NDUFA10: variants seen among roughly 807,000 people sequenced by gnomAD.
NDUFA10 encodes NADH:ubiquinone oxidoreductase subunit A10.
In NDUFA10, 40 loss-of-function variants were observed where a neutral mutation model predicts 47.8. The ratio of observed to expected loss-of-function variants is 0.84; its 90% CI spans 0.65 to 1.09. The LOEUF (loss-of-function observed/expected upper bound fraction) is 1.09, where lower values mean the gene tolerates loss of function less well. Ranked by LOEUF, NDUFA10 falls within the 50% of genes least tolerant of loss-of-function variation. NDUFA10 has a pLI of 0.00. For missense variants in NDUFA10, 413 were observed against 451.1 expected (o/e 0.92, Z 0.76); for synonymous variants, 183 against 172.2 (o/e 1.06, Z -0.49).
At chr2:239,986,287 G>A (rs1695999784) in intron 9 of NDUFA10, among the ~76,000 whole-genome samples, 1 of 152,208 alleles carries the variant, frequency 6.6e-6, no homozygotes, top group Non-Finnish European at 1.5e-5. Flanking sequence ...CAAATGGAAA[G>A]CTGTTCTGCG....
intron 9 of NDUFA10, among the ~76,000 whole-genome samples, chr2:239,976,876 G>A (rs73007454): frequency 0.011 from 1,641 of 152,256 alleles, 6 homozygotes; most frequent in Middle Eastern, 0.027. Flanking sequence ...GCAGCTCCCA[G>A]AACACTGGCA....
chr2:240,018,810 A>T (rs1574897670), intron 3 of NDUFA10, among the ~76,000 whole-genome samples, 171 bp from the exon 4 acceptor site: 1 of 152,248 alleles, frequency 6.6e-6, no homozygotes, highest in Non-Finnish European at 1.5e-5. Flanking sequence ...CATTTTCAAA[A>T]ACTGAAGTAT....
Position 239,959,930 on chromosome 2 carries a change from T to TA in NDUFA10, c.*1187dup. On this transcript the variant is annotated 3_prime_UTR_variant, in exon 10 of 10. Coordinates refer to ENST00000252711, the MANE Select transcript of NDUFA10 (RefSeq NM_004544.4). ...CATGCTCCGCAGCAGCGAGGCCTGG[T>TA]AGAGCTTCCGCGGGGAGCAGAGCAT... 1.0e-6 allele frequency: 1 copy of TA among 985,424 alleles called. No individual in the cohort carries two copies. The highest frequency in any genetic ancestry group is 1.7e-5 in the African/African-American group (1 of 57,352). The allele number at this position is 985,424 out of a possible 1,614,324, so 61.0% of individuals were successfully genotyped here.
intron 9 of NDUFA10, among the ~76,000 whole-genome samples, chr2:239,977,326 G>A (rs375830464): frequency 3.3e-5 from 5 of 152,166 alleles, no homozygotes; most frequent in African/African-American, 9.7e-5. Flanking sequence ...TCCTGCCAGC[G>A]TCCCGCCACT....
chr2:239,993,719 G>A (rs1696349159), intron 8 of NDUFA10, among the ~76,000 whole-genome samples: 1 of 152,184 alleles, frequency 6.6e-6, no homozygotes, highest in Admixed American at 6.5e-5. Context: ...ACACACCAAG[G>A]GGAGCAGCAG....
At chr2:239,982,083 C>A in intron 9 of NDUFA10, 1 of 1,611,614 alleles carries the variant, frequency 6.2e-7, no homozygotes. Context: ...TGTTTGCTCC[C>A]CTGCAGCAAA....
In NDUFA10 at chr2:239,916,050, A is replaced by G. The variant is rs575951017; in HGVS notation, c.295-20736T>C. ...GACACACAGAGATACTCACACAAAC[A>G]TACACACACACATACATACTCAGAC... On this transcript the variant is annotated intron_variant, in intron 4 of 5. Transcript: ENST00000419408. Among the ~76,000 whole-genome samples, 3 of 109,970 alleles carry G rather than the reference A, an allele frequency of 2.7e-5. No homozygotes were observed. The East Asian group carries it at 6.6e-4, about 24-fold the overall frequency. 72.1% of individuals were successfully genotyped at this position (109,970 alleles called of 152,430 possible).
In NDUFA10 at chr2:240,021,345, G is replaced by A. The variant is rs145407882; in HGVS notation, c.312C>T (p.Leu104=). ...TACAGTTGCCATTATAGTCGGTGGC[G>A]AGGGGCTTCCCATCTCCTGTGGTAC... ...PDSTTGDGKP[L]ATDYNGNCSL... The change falls in exon 3 of 10, where the codon CTC becomes CTT. Residue 104 remains leucine, a synonymous_variant. Coordinates refer to ENST00000252711, the MANE Select transcript of NDUFA10 (RefSeq NM_004544.4). 179 of 1,614,148 alleles carry A rather than the reference G, an allele frequency of 1.1e-4. No individual in the cohort carries two copies. Among genetic ancestry groups the A allele is most frequent in the African/African-American group, 3.3e-4 (25 of 75,034 alleles).
At chr2:239,996,101 TAA>T (rs1696465050) in intron 8 of NDUFA10, among the ~76,000 whole-genome samples, 1 of 152,108 alleles carries the variant, frequency 6.6e-6, no homozygotes, top group Non-Finnish European at 1.5e-5. Context: ...GGAAAATCAG[TAA>T]AGATACCGAT....
intron 4 of NDUFA10, among the ~76,000 whole-genome samples, chr2:239,902,249 T>C (rs1314556379): frequency 2.0e-5 from 3 of 152,072 alleles, no homozygotes; most frequent in Non-Finnish European, 2.9e-5. Context: ...GCAAACTTCA[T>C]TGTTGTCTTA....
chr2:240,012,998 A>T (rs1697199003), intron 5 of NDUFA10: 1 of 152,270 alleles, frequency 6.6e-6, no homozygotes, highest in African/African-American at 2.4e-5. Flanking sequence ...ATCATTAGCT[A>T]TGTGCCAAGT....
At chr2:239,920,904 CCT>C (rs1348131340) in intron 4 of NDUFA10, among the ~76,000 whole-genome samples, 1 of 152,088 alleles carries the variant, frequency 6.6e-6, no homozygotes, top group African/African-American at 2.4e-5. Context: ...TTGGGCAACC[CCT>C]CTGAGTCTCC....
chr2:239,893,499 G>A (rs1693334079), intron 5 of NDUFA10, among the ~76,000 whole-genome samples: 1 of 152,226 alleles, frequency 6.6e-6, no homozygotes, highest in African/African-American at 2.4e-5. Context: ...CTGGAGGTAG[G>A]AAGTCCAAGA....
Position 239,928,791 on chromosome 2 carries a change from C to T in NDUFA10, c.295-33477G>A, listed in dbSNP as rs1694108025. 6.6e-6 allele frequency among the ~76,000 whole-genome samples: 1 copy of T among 152,208 alleles called. No individual in the cohort carries two copies. Among genetic ancestry groups the T allele is most frequent in the Non-Finnish European group, 1.5e-5 (1 of 68,042 alleles). ...GCGTCCCTTCCAAACAGGTGGTATC[C>T]GTGTTCCAAGCAGCCCAGGCCCAAC... On this transcript the variant is annotated intron_variant, in intron 4 of 5. Coordinates refer to the NDUFA10 transcript ENST00000419408. The surrounding 1 kb of genome is among the most constrained non-coding windows in gnomAD (Gnocchi z 4.3).
At chr2:239,935,093 A>G (rs149014146) in intron 4 of NDUFA10, among the ~76,000 whole-genome samples, 1 of 152,244 alleles carries the variant, frequency 6.6e-6, no homozygotes, top group Non-Finnish European at 1.5e-5. Context: ...GGTCCGAAAT[A>G]GCACCTGCCA....
At chr2:239,948,256 C>T (rs1396544874) in intron 4 of NDUFA10, among the ~76,000 whole-genome samples, 1 of 152,240 alleles carries the variant, frequency 6.6e-6, no homozygotes, top group Non-Finnish European at 1.5e-5. Flanking sequence ...AGAGACGAAG[C>T]CAGGCTGTGC....
At chr2:239,998,476 GAGC>G (rs777347629) in intron 8 of NDUFA10, among the ~76,000 whole-genome samples, 1 of 152,226 alleles carries the variant, frequency 6.6e-6, no homozygotes, top group Non-Finnish European at 1.5e-5. Context: ...GCCACACACA[GAGC>G]AGGCCTATGC....
At chr2:239,918,747 T>C (rs767232992) in intron 4 of NDUFA10, among the ~76,000 whole-genome samples, 4 of 152,162 alleles carry the variant, frequency 2.6e-5, no homozygotes, top group Non-Finnish European at 4.4e-5. Context: ...AAATCCAGCA[T>C]TGGGACCACG....
rs551916867 is a variant in NDUFA10 at position 240,016,356 on chromosome 2, C to T, written c.548-1496G>A. 1.1e-3 allele frequency among the ~76,000 whole-genome samples: 171 copies of T among 152,316 alleles called. 1 individual carries two copies. Among genetic ancestry groups the T allele is most frequent in the Non-Finnish European group, 2.0e-3 (139 of 68,030 alleles). ...GCTGCTGAGGTGAAACCTCCCTTCACCGAGTCTGCTCTCACCCTGCTTCCC... is the reference window on the plus strand; with the variant it reads ...GCTGCTGAGGTGAAACCTCCCTTCATCGAGTCTGCTCTCACCCTGCTTCCC... On this transcript the variant is annotated intron_variant, in intron 4 of 9. Coordinates refer to ENST00000252711, the MANE Select transcript of NDUFA10 (RefSeq NM_004544.4). This position sits in a 1 kb window ranked among gnomAD's most constrained non-coding sequence, Gnocchi z 4.4.
Sources: gnomAD v4.1 joint callset for allele counts (sites outside exome capture counted in the v4.1 genomes callset) on GRCh38, gnomAD v4.1.1 for gene constraint, Gnocchi (gnomAD v3.1) non-coding constraint, MANE v1.5 for transcripts, NCBI Gene and HGNC (gene_info 2026-07-23, HGNC 2026-07-21) for gene names.